The following FGF10 variants were observed in gnomAD, a reference collection of about 807,000 sequenced individuals.
FGF10 encodes FGF-10.
FGF10 carries 2 observed loss-of-function variants against 19.8 expected under a neutral mutation model. The ratio of observed to expected loss-of-function variants is 0.10; its 90% confidence interval spans 0.04 to 0.32. The LOEUF is 0.32. FGF10 is among the 10% of genes least tolerant of loss of function. The probability of loss-of-function intolerance (pLI) is 1.00; values close to 1 mark genes in which losing one functional copy is unlikely to be tolerated. For missense variants in FGF10, 191 were observed against 246.3 expected (o/e 0.78, Z 1.50); for synonymous variants, 112 against 94.0 (o/e 1.19, Z -1.10).
chr5:44,380,001 A>G (rs1330647261), intron 1 of FGF10, among the ~76,000 whole-genome samples: 3 of 152,242 alleles, frequency 2.0e-5, no homozygotes, highest in Non-Finnish European at 2.9e-5. Flanking sequence ...TTTTTATACT[A>G]TAATGTGATT....
At chr5:44,313,991 T>C (rs1412630283) in intron 1 of FGF10, among the ~76,000 whole-genome samples, 1 of 152,072 alleles carries the variant, frequency 6.6e-6, no homozygotes, top group Non-Finnish European at 1.5e-5. Context: ...AAGTGATGAC[T>C]TAAGATGATG....
intron 1 of FGF10, among the ~76,000 whole-genome samples, chr5:44,385,057 A>C (rs1395367353): frequency 6.6e-6 from 1 of 152,134 alleles, no homozygotes; most frequent in Non-Finnish European, 1.5e-5. Flanking sequence ...GCCGAGTGGT[A>C]AGGTTTCAAG....
intron 1 of FGF10, among the ~76,000 whole-genome samples, chr5:44,365,424 G>A (rs918068324): frequency 1.3e-5 from 2 of 150,512 alleles, no homozygotes; most frequent in Non-Finnish European, 3.0e-5. Flanking sequence ...TCCTGATGCT[G>A]TAATGCTATT....
At chr5:44,369,887 CA>C in intron 1 of FGF10, among the ~76,000 whole-genome samples, 1 of 152,176 alleles carries the variant, frequency 6.6e-6, no homozygotes, top group East Asian at 1.9e-4. Context: ...CCAAATTTTT[CA>C]GATTATCTCA....
chr5:44,319,676 A>T (rs1276909747), intron 1 of FGF10, among the ~76,000 whole-genome samples: 3 of 152,216 alleles, frequency 2.0e-5, no homozygotes, highest in Non-Finnish European at 2.9e-5. Context: ...TATTTCCATG[A>T]TTACTTAGTG....
chr5:44,330,998 A>C (rs1263567446), intron 1 of FGF10, among the ~76,000 whole-genome samples: 1 of 152,168 alleles, frequency 6.6e-6, no homozygotes, highest in Non-Finnish European at 1.5e-5. Flanking sequence ...TCATGGGGAA[A>C]AGACATCATA....
chr5:44,384,212 A>G (rs1742049473), intron 1 of FGF10, among the ~76,000 whole-genome samples: 1 of 152,102 alleles, frequency 6.6e-6, no homozygotes, highest in South Asian at 2.1e-4. Flanking sequence ...AACAATTACT[A>G]TATAAAATGA....
At chr5:44,377,380 G>T (rs760000915) in intron 1 of FGF10, among the ~76,000 whole-genome samples, 29 of 152,098 alleles carry the variant, frequency 1.9e-4, no homozygotes, top group Admixed American at 5.9e-4. Flanking sequence ...AATAGGATGA[G>T]AAACAAAAAA....
chr5:44,323,861 G>C (rs1740552752), intron 1 of FGF10, among the ~76,000 whole-genome samples: 1 of 152,090 alleles, frequency 6.6e-6, no homozygotes, highest in Admixed American at 6.6e-5. Context: ...TGATCTATCT[G>C]ATCCAATTTG....
At chr5:44,375,725 C>G (rs1393232619) in intron 1 of FGF10, among the ~76,000 whole-genome samples, 1 of 150,988 alleles carries the variant, frequency 6.6e-6, no homozygotes, top group Non-Finnish European at 1.5e-5. Flanking sequence ...TGTGATAGTA[C>G]ACTGAGACTG....
In FGF10 at chr5:44,388,424, T is replaced by G; in HGVS notation, c.259A>C (p.Lys87Gln). The change falls in exon 1 of 3, where the codon AAG becomes CAG. Residue 87 changes from lysine (K) to glutamine (Q), a missense_variant. Coordinates refer to ENST00000264664, the MANE Select transcript of FGF10 (RefSeq NM_004465.2). ...TTCTTCTCAATCTTGAGAAAGTACT[T>G]GGTGAAAGAGAATAGCTTTCTCCAG... is the stretch of plus-strand genomic sequence containing the variant. ...VRWRKLFSFT[K>Q]YFLKIEKNGK... The G allele has an allele frequency of 6.2e-7, 1 of 1,613,950 alleles. No individual in the cohort carries two copies. The highest frequency in any genetic ancestry group is 8.5e-7 in the Non-Finnish European group (1 of 1,180,026).
At position 44,302,010 on chromosome 5, in the gene FGF10, G is replaced by C. The variant is rs1739974674; in HGVS notation, c.*2985C>G. On this transcript the variant is annotated 3_prime_UTR_variant, in exon 3 of 3. Coordinates refer to ENST00000264664, the MANE Select transcript of FGF10 (RefSeq NM_004465.2). ...CTCAAATGGACACATATTTGTGGCTGATGCACTTTAACTTTGTGGGCCTGG... is the reference window on the plus strand; with the variant it reads ...CTCAAATGGACACATATTTGTGGCTCATGCACTTTAACTTTGTGGGCCTGG... 6.6e-6 allele frequency among the ~76,000 whole-genome samples: 1 copy of C among 151,774 alleles called. No individual in the cohort carries two copies. Among genetic ancestry groups the C allele is most frequent in the Admixed American group, 6.6e-5 (1 of 15,226 alleles).
At chr5:44,345,686 A>G (rs768969054) in intron 1 of FGF10, among the ~76,000 whole-genome samples, 5 of 150,958 alleles carry the variant, frequency 3.3e-5, no homozygotes, top group Non-Finnish European at 4.4e-5. Context: ...AGGCACCAAC[A>G]ATGCTGCTCA....
intron 1 of FGF10, among the ~76,000 whole-genome samples, chr5:44,315,341 T>C (rs1235367390): frequency 6.6e-6 from 1 of 152,040 alleles, no homozygotes; most frequent in African/African-American, 2.4e-5. Context: ...ATTTGGGAAG[T>C]TGAGAAGGAA....
In FGF10 at chr5:44,301,177, A is replaced by C. The variant is rs2111652421; in HGVS notation, c.*3818T>G. Among the ~76,000 whole-genome samples the C allele has an allele frequency of 6.6e-6, 1 of 151,734 alleles. No individual in the cohort carries two copies. Among genetic ancestry groups the C allele is most frequent in the East Asian group, 1.9e-4 (1 of 5,134 alleles). ...GTCCTGCTTCATGAAATAAACAAGA[A>C]CTCTTAATCAATATGGTATCTGTTT... On this transcript the variant is annotated 3_prime_UTR_variant, in exon 3 of 3. Coordinates refer to ENST00000264664, the MANE Select transcript of FGF10 (RefSeq NM_004465.2).
rs372498100 is a variant in FGF10 at position 44,309,416 on chromosome 5, G to A, written c.429+1011C>T. Among the ~76,000 whole-genome samples, 35 of 152,062 alleles carry A rather than the reference G, an allele frequency of 2.3e-4. 1 individual carries two copies. The highest frequency in any genetic ancestry group is 8.4e-4 in the African/African-American group (35 of 41,478). The stretch of plus-strand genomic sequence containing the variant: ...AACCTAGTTCCCAACTTTATTATAG[G>A]GCTGCTTTGCTATAGCTGATCCTTT... On this transcript the variant is annotated intron_variant, in intron 2 of 2. Coordinates refer to ENST00000264664, the MANE Select transcript of FGF10 (RefSeq NM_004465.2).
intron 1 of FGF10, among the ~76,000 whole-genome samples, chr5:44,337,248 T>C (rs1280341245): frequency 8.0e-6 from 1 of 124,628 alleles, no homozygotes; most frequent in Non-Finnish European, 1.9e-5. Context: ...AGAAAGATAC[T>C]ATTGAATCCT....
At chr5:44,306,800 A>G (rs1434890740) in intron 2 of FGF10, among the ~76,000 whole-genome samples, 2 of 152,186 alleles carry the variant, frequency 1.3e-5, no homozygotes, top group African/African-American at 4.8e-5. Context: ...TAACATTCAA[A>G]TGATGATTTA....
At chr5:44,351,830 A>G (rs1741240232) in intron 1 of FGF10, among the ~76,000 whole-genome samples, 1 of 151,696 alleles carries the variant, frequency 6.6e-6, no homozygotes, top group African/African-American at 2.4e-5. Context: ...AACAACAGTT[A>G]CATTCCTTTT....
Sources: allele counts gnomAD v4.1 joint callset (sites outside exome capture counted in the v4.1 genomes callset), GRCh38; gene constraint gnomAD v4.1.1; transcripts MANE v1.5; gene names NCBI Gene and HGNC (gene_info 2026-07-23, HGNC 2026-07-21).